The following CELF2 variants were observed in gnomAD, a reference collection of about 807,000 sequenced individuals.
CELF2 encodes CUGBP Elav-like family member 2.
Under a neutral mutation model 62.6 loss-of-function variants are expected in CELF2, and 8 were observed. The ratio of observed to expected loss-of-function variants is 0.13; its 90% CI spans 0.07 to 0.23. The LOEUF is 0.23. Among genes scored for constraint, CELF2 ranks in the 10% least tolerant of loss-of-function variants. CELF2 has a pLI of 1.00. For missense variants in CELF2, 333 were observed against 671.0 expected (o/e 0.50, Z 5.56); for synonymous variants, 258 against 250.0 (o/e 1.03, Z -0.30).
chr10:10,605,064 A>C, the CELF2 span, among the ~76,000 whole-genome samples: 10 of 152,360 alleles, frequency 6.6e-5, no homozygotes, highest in African/African-American at 2.4e-4. Context: ...AATGTGGTAC[A>C]TATACACCAT....
intron 1 of CELF2, among the ~76,000 whole-genome samples, chr10:11,040,484 C>T (rs2061644908): frequency 6.6e-6 from 1 of 151,988 alleles, no homozygotes; most frequent in African/African-American, 2.4e-5. Context: ...GAACTCTGAG[C>T]CACCAGGAGA....
intron 2 of CELF2, chr10:10,952,153 T>C (rs1435795247): frequency 6.6e-6 from 1 of 152,252 alleles, no homozygotes; most frequent in African/African-American, 2.4e-5. Context: ...TCTTTTCAAA[T>C]GTCAGAAAAT....
the CELF2 span, among the ~76,000 whole-genome samples, chr10:10,755,692 T>C: frequency 6.6e-6 from 1 of 152,228 alleles, no homozygotes; most frequent in African/African-American, 2.4e-5. Context: ...CGCCCCCTCT[T>C]ACGATGTTAT....
At chr10:11,093,096 TA>T (rs1316960111) in intron 1 of CELF2, among the ~76,000 whole-genome samples, 2 of 152,358 alleles carry the variant, frequency 1.3e-5, no homozygotes, top group East Asian at 3.9e-4. Flanking sequence ...AGCATGCTGA[TA>T]GATGCAAAGT....
At chr10:10,729,190 G>T in the CELF2 span, among the ~76,000 whole-genome samples, 98 of 152,300 alleles carry the variant, frequency 6.4e-4, no homozygotes, top group African/African-American at 2.2e-3. Context: ...GTCTTCACAG[G>T]AGAGGAAGAT....
chr10:11,197,027 A>AGAGAGAGAGAG (rs1406923666), intron 2 of CELF2, among the ~76,000 whole-genome samples: 1 of 37,016 alleles, frequency 2.7e-5, no homozygotes, highest in African/African-American at 1.8e-4. Context: ...AAAGAAAGAA[A>AGAGAGAGAGAG]AGAAAGAAAG....
Position 11,165,358 on chromosome 10 carries a change from C to T in CELF2, c.75-128C>T. The T allele has an allele frequency of 1.3e-6, 2 of 1,499,418 alleles. No individual in the cohort carries two copies. The highest frequency in any genetic ancestry group is 1.8e-6 in the Non-Finnish European group (2 of 1,129,282). 92.9% of individuals were successfully genotyped at this position (1,499,418 alleles called of 1,614,324 possible). A position where few individuals can be genotyped will look rare whatever the true frequency, so the allele number is the denominator to read the frequency against. On this transcript the variant is annotated intron_variant, in intron 1 of 12. Transcript: ENST00000633077. The surrounding 1 kb of genome is among the most constrained non-coding windows in gnomAD (Gnocchi z 7.4). The stretch of plus-strand genomic sequence containing the variant: ...TTTAGTTCATCAAATTTCTACGACT[C>T]ATTAGGCACTTTGCCACTGCTCTTC...
At chr10:10,594,617 A>G in the CELF2 span, among the ~76,000 whole-genome samples, 1 of 152,224 alleles carries the variant, frequency 6.6e-6, no homozygotes, top group African/African-American at 2.4e-5. Context: ...CAGAGTCCCA[A>G]TCATTACAAG....
Position 10,930,970 on chromosome 10 carries a change from C to G in CELF2, c.89+10971C>G, listed in dbSNP as rs773203052. ...CAGGTTGGAGAGTTTCTGTGCCTGCCCAAGGTTGATTTGCTTTTTATACCT... is the reference window on the plus strand; with the variant it reads ...CAGGTTGGAGAGTTTCTGTGCCTGCGCAAGGTTGATTTGCTTTTTATACCT... On this transcript the variant is annotated intron_variant, in intron 2 of 13. Transcript: ENST00000636488. Among the ~76,000 whole-genome samples the G allele has an allele frequency of 5.0e-4, 76 of 152,240 alleles. 1 individual carries two copies. Among genetic ancestry groups the G allele is most frequent in the African/African-American group, 1.8e-3 (75 of 41,538 alleles).
At chr10:11,193,822 G>A (rs1387166840) in intron 2 of CELF2, among the ~76,000 whole-genome samples, 8 of 152,186 alleles carry the variant, frequency 5.3e-5, no homozygotes, top group Admixed American at 5.2e-4. Flanking sequence ...TCAAAAAAGT[G>A]CCCATATGAC....
Position 11,311,165 on chromosome 10 carries a change from AACTG to A in CELF2, c.977-2970_977-2967del, listed in dbSNP as rs770567637. ...CTCCCCACTAGAAAACTACAAGGAA[AACTG>A]ACTATCTCAAAACATAGTGCTGGGT... On this transcript the variant is annotated intron_variant, in intron 9 of 12. Transcript: ENST00000633077. The surrounding 1 kb of genome is among the most constrained non-coding windows in gnomAD (Gnocchi z 4.7). Among the ~76,000 whole-genome samples, 2 of 152,226 alleles carry A rather than the reference AACTG, an allele frequency of 1.3e-5. No individual in the cohort carries two copies. Among genetic ancestry groups the A allele is most frequent in the Non-Finnish European group, 2.9e-5 (2 of 68,032 alleles).
chr10:11,019,283 G>T (rs2137943140), intron 1 of CELF2, among the ~76,000 whole-genome samples: 1 of 152,320 alleles, frequency 6.6e-6, no homozygotes, highest in Non-Finnish European at 1.5e-5. Context: ...GATCAGGCGA[G>T]AAATTGGATA....
At chr10:10,574,964 C>G in the CELF2 span, among the ~76,000 whole-genome samples, 2 of 151,344 alleles carry the variant, frequency 1.3e-5, no homozygotes, top group African/African-American at 4.9e-5. Context: ...GTGATCTACC[C>G]ACCTTGGCCT....
At chr10:10,799,184 G>A (rs951244271) in intron 1 of CELF2, among the ~76,000 whole-genome samples, 1 of 152,188 alleles carries the variant, frequency 6.6e-6, no homozygotes, top group Non-Finnish European at 1.5e-5. Context: ...ACTTCAGATA[G>A]AAGAGCGAAA....
Position 11,191,197 on chromosome 10 carries a change from A to G in CELF2, c.271+25515A>G, listed in dbSNP as rs1442121669. On this transcript the variant is annotated intron_variant, in intron 2 of 12. Coordinates refer to ENST00000633077, the MANE Select transcript of CELF2 (RefSeq NM_001326342.2). This position sits in a 1 kb window ranked among gnomAD's most constrained non-coding sequence, Gnocchi z 4.1. Reference sequence around the variant, plus strand: ...CCTGTAACAATGGACACTCATGTTCATCTAGTTCTGTCCCTTTTCAGCTTT... The same window carrying G: ...CCTGTAACAATGGACACTCATGTTCGTCTAGTTCTGTCCCTTTTCAGCTTT... Among the ~76,000 whole-genome samples the G allele has an allele frequency of 6.6e-6, 1 of 152,148 alleles. No individual in the cohort carries two copies. Among genetic ancestry groups the G allele is most frequent in the Non-Finnish European group, 1.5e-5 (1 of 68,022 alleles).
chr10:10,982,054 C>G (rs973172909), intron 2 of CELF2, among the ~76,000 whole-genome samples: 1 of 148,384 alleles, frequency 6.7e-6, no homozygotes, highest in Non-Finnish European at 1.5e-5. Context: ...CTCCCAAGTT[C>G]AAGCGATTCT....
At chr10:10,710,787 G>A in the CELF2 span, among the ~76,000 whole-genome samples, 2 of 152,126 alleles carry the variant, frequency 1.3e-5, no homozygotes, top group East Asian at 3.9e-4. Flanking sequence ...ACATTTTGAT[G>A]TACTTATAAT....
chr10:11,199,291 G>A (rs116005154), intron 2 of CELF2, among the ~76,000 whole-genome samples: 1 of 152,154 alleles, frequency 6.6e-6, no homozygotes, highest in South Asian at 2.1e-4. Flanking sequence ...TCGGTTGCTG[G>A]TTATCTCTTA....
chr10:11,328,946 C>G lies in CELF2; in HGVS notation c.1459C>G (p.Pro487Ala). 6.2e-7 allele frequency: 1 copy of G among 1,612,356 alleles called. No homozygotes were observed. The highest frequency in any genetic ancestry group is 8.5e-7 in the Non-Finnish European group (1 of 1,178,740). The change falls in exon 13 of 13, where the codon CCA (proline) becomes GCA (alanine). Residue 487 changes from proline (P) to alanine (A), a missense_variant. Coordinates refer to ENST00000633077, the MANE Select transcript of CELF2 (RefSeq NM_001326342.2). The surrounding 1 kb of genome is among the most constrained non-coding windows in gnomAD (Gnocchi z 6.4). The part of the protein sequence containing the change: ...KCFGFVSYDN[P>A]VSAQAAIQAM... ...TCCAGGTTTTGTTAGCTACGACAAT[C>G]CAGTCTCTGCACAAGCTGCTATCCA...
Sources: allele counts gnomAD v4.1 joint callset (sites outside exome capture counted in the v4.1 genomes callset), GRCh38; gene constraint gnomAD v4.1.1; non-coding constraint Gnocchi (gnomAD v3.1); transcripts MANE v1.5; gene names NCBI Gene and HGNC (gene_info 2026-07-23, HGNC 2026-07-21).